The following JKAMP variants were observed in gnomAD, a reference collection of about 807,000 sequenced individuals.
JKAMP encodes the protein JNK1/MAPK8-associated membrane protein.
In JKAMP, 20 loss-of-function variants were observed where a neutral mutation model predicts 40.2. The ratio of observed to expected loss-of-function variants is 0.50; its 90% CI spans 0.35 to 0.72. JKAMP has a LOEUF of 0.72. JKAMP is among the 30% of genes least tolerant of loss of function. JKAMP has a pLI of 0.01. For synonymous variants in JKAMP, 138 were observed against 131.6 expected, an observed-to-expected ratio of 1.05 and a Z score of -0.33; for missense variants, 276 against 373.0, an observed-to-expected ratio of 0.74 and a Z score of 2.14.
chr14:59,484,673 C>A (rs1890371299), intron 1 of JKAMP, 80 bp downstream of exon 1: 8 of 1,505,706 alleles, frequency 5.3e-6, no homozygotes. Flanking sequence ...GGGCTCGGCT[C>A]TTTGTAGGCG....
chr14:59,490,096 A>G (rs565569197), intron 3 of JKAMP, among the ~76,000 whole-genome samples: 3 of 151,774 alleles, frequency 2.0e-5, no homozygotes, highest in Admixed American at 6.6e-5. Context: ...CTAATTTTTT[A>G]TATTTTGTAG....
chr14:59,485,061 G>C (rs1390578181), intron 1 of JKAMP: 1 of 1,598,382 alleles, frequency 6.3e-7, no homozygotes, highest in Admixed American at 1.7e-5. Context: ...GCCATCGTTC[G>C]CTAAAGGAAA....
At position 59,504,321 on chromosome 14, in the gene JKAMP, T is replaced by G. The variant is rs7560; in HGVS notation, c.*249T>G. The G allele has an allele frequency of 0.26, 120,494 of 461,498 alleles. 16,811 individuals carry two copies. Among genetic ancestry groups the G allele is most frequent in the South Asian group, 0.42 (12,242 of 29,100 alleles). The allele number at this position is 461,498 out of a possible 1,614,324, so 28.6% of individuals were successfully genotyped here. On this transcript the variant is annotated 3_prime_UTR_variant, in exon 7 of 7. Coordinates refer to ENST00000616435, the MANE Select transcript of JKAMP (RefSeq NM_016475.5). Reference sequence around the variant, plus strand: ...TGGAAGGCCGCTAGGAAGCCCTTGCTTCTCTCAACAGTTCAGCTGTTCTTT... The same window carrying G: ...TGGAAGGCCGCTAGGAAGCCCTTGCGTCTCTCAACAGTTCAGCTGTTCTTT...
chr14:59,484,577 C>G lies in JKAMP; in HGVS notation c.-13C>G, dbSNP rs1436396191. The G allele has an allele frequency of 1.3e-6, 2 of 1,574,760 alleles. No homozygotes were observed. Among genetic ancestry groups the G allele is most frequent in the African/African-American group, 1.4e-5 (1 of 73,732 alleles). ...TGATCTAGTGCTTCTCGAAAAAAAC[C>G]TTCAGGCGGCCCATGGGTGAGTGGT... On this transcript the variant is annotated 5_prime_UTR_variant, in exon 1 of 7. Transcript: ENST00000616435.
At chr14:59,484,725 G>T in intron 1 of JKAMP, 132 bp downstream of exon 1, 1 of 1,193,304 alleles carries the variant, frequency 8.4e-7, no homozygotes. Flanking sequence ...GACCCCGCCC[G>T]CCCTCGGGCC....
rs767842099 is a variant in JKAMP, at chr14:59,495,019, T to C, written c.253T>C (p.Ser85Pro). The change falls in exon 4 of 7, where the codon TCC becomes CCC. Residue 85 changes from serine (S) to proline (P), a missense_variant and splice_region_variant. Transcript: ENST00000616435. ...ATCATGCCTCTTTTCCTTCTCTAGTTCCAGCGCACTTTTCCAACACATCAC... is the reference window on the plus strand; with the variant it reads ...ATCATGCCTCTTTTCCTTCTCTAGTCCCAGCGCACTTTTCCAACACATCAC... ...FIEWYSGKKSSSALFQHITAL... is the reference protein window; with the variant it reads ...FIEWYSGKKSPSALFQHITAL... The C allele has an allele frequency of 1.2e-5, 19 of 1,612,512 alleles. No individual in the cohort carries two copies. Among genetic ancestry groups the C allele is most frequent in the Non-Finnish European group, 1.6e-5 (19 of 1,178,748 alleles).
intron 5 of JKAMP, chr14:59,500,775 A>G (rs1349506708): frequency 2.6e-5 from 4 of 153,636 alleles, no homozygotes; most frequent in Non-Finnish European, 4.3e-5. Context: ...GGATGCCTTA[A>G]TAAGGCAAGG....
chr14:59,497,277 G>A (rs998071245), intron 4 of JKAMP, among the ~76,000 whole-genome samples: 2 of 152,146 alleles, frequency 1.3e-5, no homozygotes, highest in African/African-American at 4.8e-5. Context: ...TATGGAAAAT[G>A]AGCAGTTATT....
chr14:59,492,961 C>A (rs1319169536), intron 3 of JKAMP, among the ~76,000 whole-genome samples: 1 of 151,976 alleles, frequency 6.6e-6, no homozygotes, highest in African/African-American at 2.4e-5. Flanking sequence ...CCACGCCCGG[C>A]CAATTTTTTT....
rs527684457 is a variant in JKAMP at position 59,499,015 on chromosome 14, C to CTTTT, written c.640+131_640+134dup. 7.3e-4 allele frequency: 93 copies of CTTTT among 127,290 alleles called. 10 individuals carry two copies. The highest frequency in any genetic ancestry group is 1.1e-3 in the Non-Finnish European group (79 of 72,276). The allele number at this position is 127,290 out of a possible 1,614,324, so 7.9% of individuals were successfully genotyped here. A position where few individuals can be genotyped will look rare whatever the true frequency, so the allele number is the denominator to read the frequency against. ...TTTCCTTAAGATAGTTTGTTTAATC[C>CTTTT]TTTTTTTTTTTTTTTTTTTTTTTTT... is the stretch of plus-strand genomic sequence containing the variant. On this transcript the variant is annotated intron_variant, in intron 5 of 6. Transcript: ENST00000616435.
At position 59,498,791 on chromosome 14, in the gene JKAMP, C is replaced by T; in HGVS notation, c.523C>T (p.Leu175=). 2 of 1,608,802 alleles carry T rather than the reference C, an allele frequency of 1.2e-6. No homozygotes were observed. Among genetic ancestry groups the T allele is most frequent in the South Asian group, 2.2e-5 (2 of 90,906 alleles). Residue 175 remains leucine, a synonymous_variant, in exon 5 of 7, where the codon CTG becomes TTG. Coordinates refer to ENST00000616435, the MANE Select transcript of JKAMP (RefSeq NM_016475.5). ...LVLMMLLRPL[L]VKKIACGLGK... Reference sequence around the variant, plus strand: ...ATTAATGATGCTGCTCCGACCTCTTCTGGTGAAGAAGATTGCATGTGGGTT... The same window carrying T: ...ATTAATGATGCTGCTCCGACCTCTTTTGGTGAAGAAGATTGCATGTGGGTT...
At chr14:59,491,934 C>G (rs1371711478) in intron 3 of JKAMP, among the ~76,000 whole-genome samples, 2 of 152,172 alleles carry the variant, frequency 1.3e-5, no homozygotes, top group African/African-American at 2.4e-5. Context: ...AGTAGCAGAG[C>G]CTCTTTGCTG....
chr14:59,503,626 C>T (rs1237468978), intron 6 of JKAMP, among the ~76,000 whole-genome samples: 2 of 152,166 alleles, frequency 1.3e-5, no homozygotes, highest in African/African-American at 2.4e-5. Context: ...ACGTAGCTTT[C>T]GTCTGGGTGC....
At chr14:59,487,597 C>T (rs1008743339) in intron 2 of JKAMP, 77 bp from the exon 3 acceptor site, 8 of 1,096,558 alleles carry the variant, frequency 7.3e-6, no homozygotes, top group Admixed American at 5.4e-5. Flanking sequence ...AATGGGATGT[C>T]TTATAGAATG....
intron 1 of JKAMP, 156 bp downstream of exon 1, chr14:59,484,749 C>T: frequency 9.5e-7 from 1 of 1,051,746 alleles, no homozygotes; most frequent in East Asian, 2.6e-5. Context: ...CTCCGCACTC[C>T]TGCGGGGTTG....
chr14:59,485,143 TCA>T, intron 1 of JKAMP: 1 of 1,596,910 alleles, frequency 6.3e-7, no homozygotes, highest in Non-Finnish European at 8.5e-7. Context: ...TTATTTCAGT[TCA>T]GTTTATCATA....
In JKAMP at chr14:59,504,205, G is replaced by GTCTT. The variant is rs1159206426; in HGVS notation, c.*135_*138dup. On this transcript the variant is annotated 3_prime_UTR_variant, in exon 7 of 7. Transcript: ENST00000616435. ...TCAGTATATCTTAATGTTTGGGTTTGTCTTTGTTTTGTTTATGGTTAGACT... is the reference window on the plus strand; with the variant it reads ...TCAGTATATCTTAATGTTTGGGTTTGTCTTTCTTTGTTTTGTTTATGGTTAGACT... The GTCTT allele has an allele frequency of 4.7e-6, 3 of 640,676 alleles. No individual in the cohort carries two copies. The highest frequency in any genetic ancestry group is 2.9e-5 in the Admixed American group (1 of 34,550). The allele number at this position is 640,676 out of a possible 1,614,324, so 39.7% of individuals were successfully genotyped here.
rs1196684127 is a variant in JKAMP, at chr14:59,504,541, T to C, written c.*469T>C. The C allele has an allele frequency of 3.2e-5, 5 of 154,280 alleles. No individual in the cohort carries two copies. Among genetic ancestry groups the C allele is most frequent in the Admixed American group, 1.3e-4 (2 of 15,366 alleles). The allele number at this position is 154,280 out of a possible 1,614,324, so 9.6% of individuals were successfully genotyped here. A position where few individuals can be genotyped will look rare whatever the true frequency, so the allele number is the denominator to read the frequency against. On this transcript the variant is annotated 3_prime_UTR_variant, in exon 7 of 7. Transcript: ENST00000616435. Reference sequence around the variant, plus strand: ...TCTGATAGCAAACATAGAAATGATGTATATTGTTTTTTGTTATCTATTTAT... The same window carrying C: ...TCTGATAGCAAACATAGAAATGATGCATATTGTTTTTTGTTATCTATTTAT...
At chr14:59,489,882 C>G (rs1320674338) in intron 3 of JKAMP, among the ~76,000 whole-genome samples, 1 of 37,432 alleles carries the variant, frequency 2.7e-5, no homozygotes, top group Non-Finnish European at 4.8e-5. Flanking sequence ...GGAGGTACCT[C>G]TTTCTTTCAT....
Sources: gnomAD v4.1 joint callset for allele counts (sites outside exome capture counted in the v4.1 genomes callset) on GRCh38, gnomAD v4.1.1 for gene constraint, MANE v1.5 for transcripts, NCBI Gene and HGNC (gene_info 2026-07-23, HGNC 2026-07-21) for gene names.